ENOX2: variants seen among roughly 807,000 people sequenced by gnomAD.
ENOX2 encodes APK1 antigen.
Under a neutral mutation model 45.0 loss-of-function variants are expected in ENOX2, and 36 were observed. The ratio of observed to expected loss-of-function variants is 0.80; its 90% CI spans 0.61 to 1.06. The LOEUF (loss-of-function observed/expected upper bound fraction) is 1.06. ENOX2 is among the 50% of genes least tolerant of loss of function. The pLI is 0.00. For synonymous variants in ENOX2, 174 were observed against 152.3 expected (o/e 1.14, Z -1.05); for missense variants, 423 against 462.5 (o/e 0.91, Z 0.78).
At chrX:130,641,445 G>C (rs1187907932) in intron 10 of ENOX2, among the ~76,000 whole-genome samples, 1 of 111,282 alleles carries the variant, frequency 9.0e-6, no homozygotes, top group African/African-American at 3.3e-5. Flanking sequence ...TTGGCTGGGC[G>C]CAGTGGCTCA....
At chrX:130,724,678 C>T (rs2038564677) in intron 3 of ENOX2, among the ~76,000 whole-genome samples, 2 of 112,220 alleles carry the variant, frequency 1.8e-5, no homozygotes, top group South Asian at 7.5e-4. Context: ...CAGTTACAGG[C>T]TTCTCCATTT....
intron 2 of ENOX2, among the ~76,000 whole-genome samples, chrX:130,855,475 G>A (rs1258353543): frequency 9.0e-6 from 1 of 111,695 alleles, no homozygotes; most frequent in African/African-American, 3.3e-5. Context: ...TCAAGGATTG[G>A]AAGACAGAAC....
At chrX:130,703,365 A>C in intron 3 of ENOX2, 111 bp from the exon 4 acceptor site, 1 of 741,575 alleles carries the variant, frequency 1.3e-6, no homozygotes, top group Non-Finnish European at 1.9e-6. Flanking sequence ...GGAGAAATGG[A>C]CAAGTGGTGG....
chrX:130,902,040 T>C (rs764882873), intron 1 of ENOX2, among the ~76,000 whole-genome samples: 1 of 111,107 alleles, frequency 9.0e-6, no homozygotes, highest in South Asian at 3.8e-4. Flanking sequence ...CAGATTAAAA[T>C]TCACCTCCTT....
At chrX:130,821,241 C>T (rs1165247014) in intron 2 of ENOX2, among the ~76,000 whole-genome samples, 3 of 107,297 alleles carry the variant, frequency 2.8e-5, no homozygotes, top group Non-Finnish European at 5.8e-5. Flanking sequence ...CACATGCACA[C>T]GTATGTTTAC....
chrX:130,821,704 T>TA (rs1169703982), intron 2 of ENOX2, among the ~76,000 whole-genome samples: 4 of 35,456 alleles, frequency 1.1e-4, no homozygotes, highest in Admixed American at 3.9e-4. Flanking sequence ...AAAAAAAAAT[T>TA]AAAAAAAAAA....
intron 3 of ENOX2, among the ~76,000 whole-genome samples, chrX:130,707,538 A>ACACAC (rs1556433277): frequency 6.3e-5 from 7 of 110,632 alleles, no homozygotes; most frequent in African/African-American, 2.3e-4. Flanking sequence ...ACACACACAC[A>ACACAC]CACAGACACA....
At chrX:130,712,158 GATA>G (rs2038209823) in intron 3 of ENOX2, among the ~76,000 whole-genome samples, 1 of 111,829 alleles carries the variant, frequency 8.9e-6, no homozygotes, top group African/African-American at 3.3e-5. Context: ...TCATATAAAA[GATA>G]ATGATAATGA....
intron 2 of ENOX2, among the ~76,000 whole-genome samples, chrX:130,799,118 C>A (rs73555134): frequency 0.014 from 1,580 of 111,235 alleles, 24 homozygotes; most frequent in African/African-American, 0.05. Flanking sequence ...GGCAGACCCA[C>A]CCTTGATCTT....
chrX:130,722,676 C>G (rs945256478), intron 3 of ENOX2, among the ~76,000 whole-genome samples: 1 of 112,117 alleles, frequency 8.9e-6, no homozygotes, highest in Non-Finnish European at 1.9e-5. Context: ...TACAATCTAA[C>G]CTAGAGTCCA....
At chrX:130,839,753 T>C (rs1019878992) in intron 2 of ENOX2, among the ~76,000 whole-genome samples, 2 of 111,891 alleles carry the variant, frequency 1.8e-5, no homozygotes, top group African/African-American at 6.5e-5. Flanking sequence ...TAGACAACCA[T>C]ACTCCTCACA....
chrX:130,755,586 T>A (rs1476694899), intron 3 of ENOX2, among the ~76,000 whole-genome samples: 3 of 110,625 alleles, frequency 2.7e-5, no homozygotes, highest in Non-Finnish European at 5.7e-5. Flanking sequence ...CATGTTTTTT[T>A]AATTTTTAAT....
chrX:130,730,150 C>T (rs1481542099), intron 3 of ENOX2, among the ~76,000 whole-genome samples: 1 of 112,289 alleles, frequency 8.9e-6, no homozygotes, highest in Non-Finnish European at 1.9e-5. Flanking sequence ...ACTCTGTCCT[C>T]CACATATACG....
At chrX:130,686,707 C>T (rs956605410) in intron 5 of ENOX2, among the ~76,000 whole-genome samples, 6 of 112,142 alleles carry the variant, frequency 5.4e-5, no homozygotes, top group Non-Finnish European at 1.1e-4. Flanking sequence ...AACAATGTCA[C>T]TTTTGCCATG....
At chrX:130,718,118 T>C (rs1460571242) in intron 3 of ENOX2, among the ~76,000 whole-genome samples, 1 of 107,878 alleles carries the variant, frequency 9.3e-6, no homozygotes, top group Non-Finnish European at 1.9e-5. Flanking sequence ...TCACCACCCC[T>C]CCTCCACTCA....
At chrX:130,871,471 C>G (rs2078588210) in intron 2 of ENOX2, among the ~76,000 whole-genome samples, 1 of 110,822 alleles carries the variant, frequency 9.0e-6, no homozygotes, top group Non-Finnish European at 1.9e-5. Context: ...AACGCCCAAT[C>G]AAACATTAGA....
At position 130,787,903 on chromosome X, in the gene ENOX2, C is replaced by T. The variant is rs190082508; in HGVS notation, c.-182-4213G>A. 2.2e-4 allele frequency among the ~76,000 whole-genome samples: 25 copies of T among 111,315 alleles called. No individual in the cohort carries two copies. In the East Asian group the frequency reaches 5.4e-3, roughly 24 times the overall value. On this transcript the variant is annotated intron_variant, in intron 2 of 14. Transcript: ENST00000394363. ...GTAAGCTGACTCGCTGAACACAAAC[C>T]CATATTTTATATCATCCAATACCCA...
intron 6 of ENOX2, among the ~76,000 whole-genome samples, chrX:130,676,438 T>C (rs1390434500): frequency 9.0e-6 from 1 of 111,480 alleles, no homozygotes; most frequent in East Asian, 2.8e-4. Context: ...AAGGGCAAAA[T>C]TTAGTTGTTT....
intron 10 of ENOX2, among the ~76,000 whole-genome samples, chrX:130,647,844 C>T (rs955613467): frequency 9.0e-6 from 1 of 110,625 alleles, no homozygotes; most frequent in African/African-American, 3.3e-5. Context: ...CTTCCTACTA[C>T]TACCTCTTAT....
Sources: allele counts gnomAD v4.1 joint callset (sites outside exome capture counted in the v4.1 genomes callset), GRCh38; gene constraint gnomAD v4.1.1; transcripts MANE v1.5; gene names NCBI Gene and HGNC (gene_info 2026-07-23, HGNC 2026-07-21).